The following MYO9B variants were observed in gnomAD, a reference collection of about 807,000 sequenced individuals.
MYO9B encodes myosin IXB.
MYO9B carries 71 observed loss-of-function variants against 229.5 expected under a neutral mutation model. The ratio of observed to expected loss-of-function variants is 0.31; its 90% CI spans 0.26 to 0.38. MYO9B has a LOEUF of 0.38. Ranked by LOEUF, MYO9B falls within the 10% of genes least tolerant of loss-of-function variation. MYO9B has a pLI of 1.00. For synonymous variants in MYO9B, 1,185 were observed against 1,235.8 expected, an observed-to-expected ratio of 0.96 and a Z score of 0.86; for missense variants, 2,255 against 2,920.5, an observed-to-expected ratio of 0.77 and a Z score of 5.25.
intron 2 of MYO9B, among the ~76,000 whole-genome samples, chr19:17,130,792 A>T (rs2072186860): frequency 6.6e-6 from 1 of 151,608 alleles, no homozygotes; most frequent in African/African-American, 2.4e-5. Flanking sequence ...AAAAAAATCT[A>T]GAATTTTTGC....
At chr19:17,115,781 T>A (rs1384822423) in intron 2 of MYO9B, among the ~76,000 whole-genome samples, 1 of 151,754 alleles carries the variant, frequency 6.6e-6, no homozygotes, top group East Asian at 1.9e-4. Context: ...CCAGGTGTCT[T>A]CTTATCTTCT....
At chr19:17,174,950 A>T (rs1333909288) in intron 13 of MYO9B, among the ~76,000 whole-genome samples, 2 of 133,452 alleles carry the variant, frequency 1.5e-5, no homozygotes, top group South Asian at 4.4e-4. Flanking sequence ...ATAAATAAAT[A>T]AATAATAAAT....
chr19:17,203,577 C>T (rs571749972), intron 30 of MYO9B, among the ~76,000 whole-genome samples: 1 of 149,854 alleles, frequency 6.7e-6, no homozygotes, highest in Non-Finnish European at 1.5e-5. Flanking sequence ...CGCGCCACTG[C>T]ACCCTAACCT....
At position 17,102,543 on chromosome 19, in the gene MYO9B, G is replaced by A; in HGVS notation, c.826G>A (p.Gly276Ser). 6.3e-7 allele frequency: 1 copy of A among 1,596,268 alleles called. No individual in the cohort carries two copies. Among genetic ancestry groups the A allele is most frequent in the South Asian group, 1.1e-5 (1 of 89,680 alleles). ...SGVERTILGA[G>S]PVLEAFGNAK... is the part of the protein sequence containing the mutation. Reference sequence around the variant, plus strand: ...CGTCGAGAGGACCATCCTGGGTGCTGGCCCTGTGCTGGAGGTGAGCGGGGA... The same window carrying A: ...CGTCGAGAGGACCATCCTGGGTGCTAGCCCTGTGCTGGAGGTGAGCGGGGA... The change falls in exon 2 of 40, where the codon GGC (glycine) becomes AGC (serine). Residue 276 changes from glycine to serine, a missense_variant. Transcript: ENST00000682292.
intron 2 of MYO9B, among the ~76,000 whole-genome samples, chr19:17,130,814 G>A (rs1039518123): frequency 5.9e-5 from 9 of 151,848 alleles, no homozygotes; most frequent in East Asian, 1.9e-4. Flanking sequence ...TACATAGGAC[G>A]TTCAACCCTG....
intron 1 of MYO9B, chr19:17,099,155 G>C (rs951881982): frequency 4.0e-5 from 6 of 151,478 alleles, no homozygotes; most frequent in Non-Finnish European, 8.8e-5. Context: ...GGCGCCTGTA[G>C]TCCCAGCTAC....
chr19:17,106,108 G>A (rs75579098), intron 2 of MYO9B, among the ~76,000 whole-genome samples: 6 of 151,706 alleles, frequency 4.0e-5, no homozygotes, highest in East Asian at 1.9e-4. Context: ...GGGCTCAAGC[G>A]ATCCTCCCAC....
intron 1 of MYO9B, among the ~76,000 whole-genome samples, chr19:17,076,137 T>G (rs1274262789): frequency 2.7e-5 from 4 of 149,520 alleles, no homozygotes; most frequent in Non-Finnish European, 4.4e-5. Context: ...GCAGCTTCTC[T>G]GAAGAGGACG....
chr19:17,202,825 C>T lies in MYO9B; in HGVS notation c.4837-17C>T. ...CCAGGGGGGCCCCCGCCAACCTCCT[C>T]CTTGTGTTCCTCACAGCAGAGCAAA... is the stretch of plus-strand genomic sequence containing the variant. On this transcript the variant is annotated splice_polypyrimidine_tract_variant and intron_variant, in intron 28 of 39. Transcript: ENST00000682292. 2 of 1,584,508 alleles carry T rather than the reference C, an allele frequency of 1.3e-6. No individual in the cohort carries two copies. The highest frequency in any genetic ancestry group is 1.7e-6 in the Non-Finnish European group (2 of 1,165,842).
In MYO9B at chr19:17,197,439, G is replaced by C. The variant is rs182820321; in HGVS notation, c.4047-353G>C. ...AGATAGATAGATAGATAGATAGATA[G>C]ATAGATAGATACATAGATAGATAGA... is the stretch of plus-strand genomic sequence containing the variant. On this transcript the variant is annotated intron_variant, in intron 22 of 39. Transcript: ENST00000682292. Among the ~76,000 whole-genome samples, 257 of 151,190 alleles carry C rather than the reference G, an allele frequency of 1.7e-3. 1 individual carries two copies. Among genetic ancestry groups the C allele is most frequent in the East Asian group, 6.4e-3 (33 of 5,168 alleles).
chr19:17,083,048 T>TG (rs34099556), intron 1 of MYO9B, among the ~76,000 whole-genome samples: 2 of 147,948 alleles, frequency 1.4e-5, no homozygotes, highest in Non-Finnish European at 3.0e-5. Context: ...TTTTTTTTTT[T>TG]GAGACAGGGT....
intron 5 of MYO9B, 100 bp downstream of exon 5, chr19:17,154,166 C>G (rs894027398): frequency 4.6e-5 from 62 of 1,343,234 alleles, no homozygotes; most frequent in Admixed American, 1.6e-4. Flanking sequence ...CCCTGGCCCC[C>G]GAACCCGCTC....
intron 26 of MYO9B, 61 bp from the exon 27 acceptor site, chr19:17,201,862 ACCT>A: frequency 8.0e-7 from 1 of 1,251,928 alleles, no homozygotes; most frequent in East Asian, 2.4e-5. Context: ...CCCCTTGGGC[ACCT>A]CCTCGGGTAC....
At chr19:17,210,430 A>C (rs1035227183) in intron 37 of MYO9B, 50 bp downstream of exon 37, 3 of 1,522,838 alleles carry the variant, frequency 2.0e-6, no homozygotes, top group Non-Finnish European at 2.7e-6. Flanking sequence ...GGTGCAGTGC[A>C]TGCTGGGGTT....
At chr19:17,096,655 T>C (rs2057691397) in intron 1 of MYO9B, among the ~76,000 whole-genome samples, 1 of 148,198 alleles carries the variant, frequency 6.7e-6, no homozygotes, top group Non-Finnish European at 1.5e-5. Flanking sequence ...GCTGCCTCGT[T>C]CAGATAGTTT....
chr19:17,132,709 G>A (rs923463655), intron 2 of MYO9B, among the ~76,000 whole-genome samples: 5 of 140,790 alleles, frequency 3.6e-5, no homozygotes, highest in African/African-American at 1.3e-4. Flanking sequence ...TGTATTTTTA[G>A]TAGAGATGGG....
At chr19:17,104,741 A>G (rs945506452) in intron 2 of MYO9B, among the ~76,000 whole-genome samples, 20 of 151,830 alleles carry the variant, frequency 1.3e-4, no homozygotes, top group Non-Finnish European at 2.5e-4. Flanking sequence ...TAAAAAAAAA[A>G]CAAAAAAACA....
At chr19:17,164,023 A>G (rs1016837482) in intron 10 of MYO9B, among the ~76,000 whole-genome samples, 8 of 152,176 alleles carry the variant, frequency 5.3e-5, no homozygotes, top group Non-Finnish European at 1.0e-4. Flanking sequence ...ATCGTATGGT[A>G]ATTCTGTTTT....
chr19:17,198,341 C>T (rs1427415413), intron 24 of MYO9B, 33 bp downstream of exon 24: 6 of 1,610,102 alleles, frequency 3.7e-6, no homozygotes, highest in Non-Finnish European at 5.1e-6. Flanking sequence ...ACTCAGGCCA[C>T]CAGAGGATGC....
Sources: gnomAD v4.1 joint callset for allele counts (sites outside exome capture counted in the v4.1 genomes callset) on GRCh38, gnomAD v4.1.1 for gene constraint, MANE v1.5 for transcripts, NCBI Gene and HGNC (gene_info 2026-07-23, HGNC 2026-07-21) for gene names.